TBL1X: variants seen among roughly 807,000 people sequenced by gnomAD.
TBL1X encodes the protein F-box-like/WD repeat-containing protein TBL1X.
Under a neutral mutation model 50.7 loss-of-function variants are expected in TBL1X, and 10 were observed. The observed-to-expected ratio is 0.20, with a 90% CI of 0.12 to 0.33. TBL1X has a LOEUF of 0.33. TBL1X is among the 10% of genes least tolerant of loss of function. The pLI is 1.00. For missense variants in TBL1X, 340 were observed against 504.4 expected, an observed-to-expected ratio of 0.67 and a Z score of 3.12; for synonymous variants, 190 against 214.7, an observed-to-expected ratio of 0.88 and a Z score of 1.01.
At chrX:9,677,116 C>T (rs1358783745) in intron 5 of TBL1X, among the ~76,000 whole-genome samples, 1 of 110,914 alleles carries the variant, frequency 9.0e-6, no homozygotes, top group African/African-American at 3.3e-5. Context: ...TGGCCTCTCT[C>T]GCATCTTTAT....
At chrX:9,703,971 C>A (rs1419192074) in intron 12 of TBL1X, among the ~76,000 whole-genome samples, 1 of 112,344 alleles carries the variant, frequency 8.9e-6, no homozygotes, top group Admixed American at 9.4e-5. Flanking sequence ...TAGCGAGTGC[C>A]TTGGCCATTT....
chrX:9,588,391 C>G (rs2082482366), intron 2 of TBL1X, among the ~76,000 whole-genome samples: 1 of 111,092 alleles, frequency 9.0e-6, no homozygotes, highest in Non-Finnish European at 1.9e-5. Context: ...CATTTTTTGG[C>G]TAAGTGAATA....
At chrX:9,621,647 C>CA (rs1445032511) in intron 2 of TBL1X, among the ~76,000 whole-genome samples, 2 of 112,393 alleles carry the variant, frequency 1.8e-5, no homozygotes, top group African/African-American at 6.5e-5. Context: ...CTAACAACCA[C>CA]AAGCACAGTC....
chrX:9,618,303 G>A (rs950779579), intron 2 of TBL1X, among the ~76,000 whole-genome samples: 3 of 111,721 alleles, frequency 2.7e-5, no homozygotes, highest in African/African-American at 9.8e-5. Context: ...CGGCCTGGAG[G>A]AGATAAGTTT....
chrX:9,509,482 CTTTT>C (rs63110360), intron 2 of TBL1X, among the ~76,000 whole-genome samples: 1 of 63,548 alleles, frequency 1.6e-5, no homozygotes. Flanking sequence ...TACAGAATCG[CTTTT>C]TTTTTTTTTT....
intron 5 of TBL1X, among the ~76,000 whole-genome samples, chrX:9,655,140 G>A (rs2082858230): frequency 9.0e-6 from 1 of 111,178 alleles, no homozygotes; most frequent in Non-Finnish European, 1.9e-5. Context: ...GTTTTCCTAA[G>A]CGACATACGG....
At chrX:9,645,800 T>C (rs1466817823) in intron 3 of TBL1X, among the ~76,000 whole-genome samples, 1 of 112,158 alleles carries the variant, frequency 8.9e-6, no homozygotes, top group African/African-American at 3.2e-5. Context: ...AAACTTTTCC[T>C]CTGTATGTGT....
At chrX:9,660,149 C>T (rs1046040901) in intron 5 of TBL1X, among the ~76,000 whole-genome samples, 6 of 112,813 alleles carry the variant, frequency 5.3e-5, no homozygotes, top group African/African-American at 1.9e-4. Flanking sequence ...GTGGCGGCCA[C>T]GAAAGCTCTC....
At chrX:9,532,445 A>G (rs1463425989) in intron 2 of TBL1X, among the ~76,000 whole-genome samples, 1 of 111,844 alleles carries the variant, frequency 8.9e-6, no homozygotes, top group Non-Finnish European at 1.9e-5. Context: ...TTAGGGGGCA[A>G]GCCCATGAGC....
intron 2 of TBL1X, among the ~76,000 whole-genome samples, chrX:9,503,245 G>T (rs2082010073): frequency 8.9e-6 from 1 of 112,199 alleles, no homozygotes; most frequent in South Asian, 3.8e-4. Context: ...AAGGCAGGAG[G>T]TGAGTGAGCA....
intron 3 of TBL1X, among the ~76,000 whole-genome samples, chrX:9,652,938 G>A (rs777144401): frequency 4.5e-5 from 5 of 111,527 alleles, no homozygotes; most frequent in Admixed American, 9.5e-5. Flanking sequence ...AGGCTGAGGC[G>A]GGTGGGTCAC....
chrX:9,504,992 C>T (rs191412641), intron 2 of TBL1X, among the ~76,000 whole-genome samples: 2 of 111,427 alleles, frequency 1.8e-5, no homozygotes, highest in African/African-American at 6.5e-5. Flanking sequence ...AGACGATCAA[C>T]CCCAAGACAC....
chrX:9,643,667 C>A (rs2082787719), intron 3 of TBL1X, among the ~76,000 whole-genome samples: 1 of 111,293 alleles, frequency 9.0e-6, no homozygotes, highest in Non-Finnish European at 1.9e-5. Context: ...TCCTGGGCAA[C>A]ATAGTGACAC....
chrX:9,634,814 A>T (rs1347224650), intron 2 of TBL1X, among the ~76,000 whole-genome samples: 1 of 111,627 alleles, frequency 9.0e-6, no homozygotes, highest in Admixed American at 9.5e-5. Context: ...CTAAAACTCC[A>T]GTCGATTGGC....
Position 9,716,755 on chromosome X carries a change from T to C in TBL1X, c.*509T>C, listed in dbSNP as rs2083281382. On this transcript the variant is annotated 3_prime_UTR_variant, in exon 18 of 18. Transcript: ENST00000645353. ...TTTGTACCGATGAAACGCGCAACTT[T>C]GTAATCCCAACACTTTCTATTTTCT... 1 of 111,523 alleles carries C rather than the reference T, an allele frequency of 9.0e-6. No homozygotes were observed. Among genetic ancestry groups the C allele is most frequent in the Admixed American group, 9.5e-5 (1 of 10,487 alleles). 9.2% of individuals were successfully genotyped at this position (111,523 alleles called of 1,213,427 possible).
intron 2 of TBL1X, among the ~76,000 whole-genome samples, chrX:9,567,983 G>T (rs1966041498): frequency 8.9e-6 from 1 of 111,920 alleles, no homozygotes; most frequent in African/African-American, 3.3e-5. Flanking sequence ...CTCCTCCTCT[G>T]TGCAGTGGGG....
chrX:9,466,667 T>G (rs1195124788), intron 1 of TBL1X, among the ~76,000 whole-genome samples: 4 of 112,590 alleles, frequency 3.6e-5, no homozygotes, highest in Non-Finnish European at 7.5e-5. Context: ...GCAACCTCCC[T>G]GCTAAGGTTC....
At chrX:9,554,576 C>G (rs747961184) in intron 2 of TBL1X, among the ~76,000 whole-genome samples, 1 of 112,319 alleles carries the variant, frequency 8.9e-6, no homozygotes, top group Non-Finnish European at 1.9e-5. Flanking sequence ...AAAATCCTCG[C>G]AGATCCCAGA....
At chrX:9,507,811 C>T (rs975366486) in intron 2 of TBL1X, among the ~76,000 whole-genome samples, 4 of 111,868 alleles carry the variant, frequency 3.6e-5, no homozygotes, top group South Asian at 3.7e-4. Flanking sequence ...ATCTGATCTT[C>T]GACAAATCTG....
Sources: gnomAD v4.1 joint callset for allele counts (sites outside exome capture counted in the v4.1 genomes callset) on GRCh38, gnomAD v4.1.1 for gene constraint, MANE v1.5 for transcripts, NCBI Gene and HGNC (gene_info 2026-07-23, HGNC 2026-07-21) for gene names.